The following ITPK1 variants were observed in gnomAD, a reference collection of about 807,000 sequenced individuals.
ITPK1 encodes inositol-tetrakisphosphate 1-kinase.
Under a neutral mutation model 45.3 loss-of-function variants are expected in ITPK1, and 21 were observed. That is an observed-to-expected ratio of 0.46 (90% confidence interval 0.33 to 0.67). The LOEUF (loss-of-function observed/expected upper bound fraction) is 0.67. Ranked by LOEUF, ITPK1 falls within the 30% of genes least tolerant of loss-of-function variation. The pLI, the probability that ITPK1 is intolerant of heterozygous loss-of-function variation, is 0.02. For synonymous variants in ITPK1, 258 were observed against 253.6 expected (o/e 1.02, Z -0.16); for missense variants, 474 against 573.5 (o/e 0.83, Z 1.77).
At chr14:92,999,660 G>C (rs1163552405) in intron 4 of ITPK1, among the ~76,000 whole-genome samples, 1 of 152,258 alleles carries the variant, frequency 6.6e-6, no homozygotes, top group Non-Finnish European at 1.5e-5. Context: ...GGAGCTGGAG[G>C]CCGCCAGGCC....
At chr14:93,089,478 C>A (rs1160600989) in intron 2 of ITPK1, among the ~76,000 whole-genome samples, 2 of 152,068 alleles carry the variant, frequency 1.3e-5, no homozygotes, top group Non-Finnish European at 2.9e-5. Context: ...TGATGAGCAC[C>A]CCGTGACAAG....
At chr14:93,054,433 G>A (rs1157782042) in intron 3 of ITPK1, among the ~76,000 whole-genome samples, 1 of 152,184 alleles carries the variant, frequency 6.6e-6, no homozygotes, top group East Asian at 1.9e-4. Context: ...AGGGAACCCT[G>A]TTTCTCCATG....
intron 2 of ITPK1, among the ~76,000 whole-genome samples, chr14:93,079,508 C>T (rs1482073808): frequency 1.3e-5 from 2 of 152,320 alleles, no homozygotes; most frequent in East Asian, 1.9e-4. Context: ...GGTGCACCAC[C>T]GTGGGCAAGG....
Position 92,940,357 on chromosome 14 carries a change from A to G in ITPK1, c.*1204T>C, listed in dbSNP as rs3814828. On this transcript the variant is annotated 3_prime_UTR_variant, in exon 11 of 11. Transcript: ENST00000267615. ...GCTTCTCCCCAACCCTTTTCTCTGC[A>G]GAGGGGGCTGCCTGGATCAGGGGTC... The G allele has an allele frequency of 0.62, 621,494 of 1,001,274 alleles. 193,471 individuals carry two copies. The highest frequency in any genetic ancestry group is 0.85 in the East Asian group (7,730 of 9,088). The allele number at this position is 1,001,274 out of a possible 1,614,324, so 62.0% of individuals were successfully genotyped here.
Position 92,958,284 on chromosome 14 carries a change from A to G in ITPK1, c.587T>C (p.Val196Ala), listed in dbSNP as rs1449923167. ...GCCAACCACGAACACCTTGTACAGG[A>G]CGGCGTTGTGGTTGATGAAATTCTG... ...VVQNFINHNAVLYKVFVVGES... is the reference protein window; with the variant it reads ...VVQNFINHNAALYKVFVVGES... The change falls in exon 8 of 11, where the codon GTC becomes GCC. Residue 196 changes from valine to alanine, a missense_variant. Physicochemically the swap from Val to Ala is moderately conservative, Grantham distance 64 (BLOSUM62 0). Transcript: ENST00000267615. This position sits in a 1 kb window ranked among gnomAD's most constrained non-coding sequence, Gnocchi z 4.4. The G allele has an allele frequency of 6.2e-7, 1 of 1,614,190 alleles. No homozygotes were observed. Among genetic ancestry groups the G allele is most frequent in the Non-Finnish European group, 8.5e-7 (1 of 1,180,020 alleles).
At chr14:93,010,153 C>A (rs978008017) in intron 4 of ITPK1, among the ~76,000 whole-genome samples, 4 of 152,206 alleles carry the variant, frequency 2.6e-5, no homozygotes, top group Non-Finnish European at 5.9e-5. Context: ...CTTACTCTGA[C>A]CCCACTGGTC....
chr14:93,054,669 G>A (rs1278551622), intron 3 of ITPK1, among the ~76,000 whole-genome samples: 1 of 152,166 alleles, frequency 6.6e-6, no homozygotes, highest in African/African-American at 2.4e-5. Context: ...CTCGGAGCCT[G>A]CATCACTCCT....
chr14:93,003,984 T>C (rs1191311272), intron 4 of ITPK1, among the ~76,000 whole-genome samples: 1 of 152,254 alleles, frequency 6.6e-6, no homozygotes, highest in Admixed American at 6.5e-5. Flanking sequence ...TTCTAGATTA[T>C]TTGATTCTGT....
At chr14:93,049,903 C>T (rs942518520) in intron 3 of ITPK1, among the ~76,000 whole-genome samples, 1 of 152,026 alleles carries the variant, frequency 6.6e-6, no homozygotes, top group Non-Finnish European at 1.5e-5. Context: ...GAAAACACAG[C>T]ACAAGCAGAT....
chr14:93,049,291 T>C (rs1349264644), intron 3 of ITPK1, among the ~76,000 whole-genome samples: 2 of 152,176 alleles, frequency 1.3e-5, no homozygotes, highest in East Asian at 3.9e-4. Context: ...GGCTCTGTGC[T>C]AAGTACCAAG....
intron 3 of ITPK1, among the ~76,000 whole-genome samples, chr14:93,048,662 T>C (rs752940205): frequency 3.9e-5 from 6 of 152,196 alleles, no homozygotes; most frequent in Non-Finnish European, 7.3e-5. Flanking sequence ...GAAACACTCT[T>C]TCCCAGCTGG....
intron 2 of ITPK1, among the ~76,000 whole-genome samples, chr14:93,083,898 C>T (rs1048175175): frequency 6.6e-6 from 1 of 152,208 alleles, no homozygotes; most frequent in African/African-American, 2.4e-5. Context: ...GAGAGAAAGG[C>T]TGCTGGACTC....
Position 93,076,604 on chromosome 14 carries a change from C to A in ITPK1, c.111G>T (p.Glu37Asp). 6.2e-7 allele frequency: 1 copy of A among 1,614,210 alleles called. No individual in the cohort carries two copies. The highest frequency in any genetic ancestry group is 8.5e-7 in the Non-Finnish European group (1 of 1,180,040). ...FAELCRKRGM[E>D]VVQLNLSRPI... ...CGCGGTCTGTACTCACCTGCACAAC[C>A]TCCATCCCTCGCTTCCTGTGGAGAA... Residue 37 changes from glutamate to aspartate, a missense_variant, in exon 3 of 11, where the codon GAG becomes GAT. This residue lies in a region of ITPK1 where 367 missense variants were observed against 480.6 expected (regional missense o/e 0.76). Coordinates refer to ENST00000267615, the MANE Select transcript of ITPK1 (RefSeq NM_014216.6). The surrounding 1 kb of genome is among the most constrained non-coding windows in gnomAD (Gnocchi z 4.3).
intron 3 of ITPK1, chr14:93,068,345 C>G (rs557773689): frequency 6.6e-6 from 1 of 152,394 alleles, no homozygotes; most frequent in African/African-American, 2.4e-5. Flanking sequence ...GTGTGCAGAG[C>G]CAGCCCCCCA....
chr14:93,009,949 C>A (rs1351099663), intron 4 of ITPK1, among the ~76,000 whole-genome samples: 1 of 152,178 alleles, frequency 6.6e-6, no homozygotes, highest in Admixed American at 6.5e-5. Flanking sequence ...GACTTAACTT[C>A]CCCGGGCCGC....
intron 4 of ITPK1, among the ~76,000 whole-genome samples, chr14:92,994,643 C>CA (rs1758491354): frequency 6.6e-6 from 1 of 152,156 alleles, no homozygotes; most frequent in African/African-American, 2.4e-5. Flanking sequence ...GGCAGAACCC[C>CA]ACGCCACCCA....
intron 10 of ITPK1, among the ~76,000 whole-genome samples, chr14:92,942,687 T>C (rs1470301933): frequency 6.6e-6 from 1 of 152,018 alleles, no homozygotes; most frequent in Non-Finnish European, 1.5e-5. Flanking sequence ...ACAGAAACCA[T>C]GGTACCTGCC....
intron 2 of ITPK1, among the ~76,000 whole-genome samples, chr14:93,089,742 C>A (rs576606398): frequency 4.6e-5 from 7 of 152,290 alleles, no homozygotes; most frequent in East Asian, 3.9e-4. Flanking sequence ...CAGCTCTCGG[C>A]AGGCGGGCAC....
chr14:93,061,589 A>C (rs1325444169), intron 3 of ITPK1, among the ~76,000 whole-genome samples: 6 of 152,204 alleles, frequency 3.9e-5, no homozygotes, highest in African/African-American at 1.4e-4. Flanking sequence ...ACAGCATTCA[A>C]ATCTAGAAGC....
Sources: allele counts gnomAD v4.1 joint callset (sites outside exome capture counted in the v4.1 genomes callset), GRCh38; gene constraint gnomAD v4.1.1; regional missense constraint gnomAD v4.1.1; non-coding constraint Gnocchi (gnomAD v3.1); transcripts MANE v1.5; gene names NCBI Gene and HGNC (gene_info 2026-07-23, HGNC 2026-07-21).